The following CAB39L variants were observed in gnomAD, a reference collection of about 807,000 sequenced individuals.
CAB39L encodes the protein calcium-binding protein 39-like.
A neutral mutation model predicts 39.1 loss-of-function variants in CAB39L; 23 were observed. That is an observed-to-expected ratio of 0.59 (90% CI 0.42 to 0.83). The LOEUF is 0.83. CAB39L is among the 40% of genes least tolerant of loss of function. The pLI, the probability that CAB39L is intolerant of heterozygous loss-of-function variation, is 0.00. For synonymous variants in CAB39L, 126 were observed against 137.2 expected (o/e 0.92, Z 0.57); for missense variants, 366 against 391.9 (o/e 0.93, Z 0.56).
rs538755278 is a variant in CAB39L, at chr13:49,359,816, G to A, written c.293C>T (p.Thr98Ile). 1.4e-5 allele frequency: 23 copies of A among 1,606,596 alleles called. No homozygotes were observed. The highest frequency in any genetic ancestry group is 2.2e-5 in the East Asian group (1 of 44,820). ...LIDFEGKKDV[T>I]QIFNNILRRQ... ...TCTCAAGATGTTGTTAAATATCTGG[G>A]TCACATCTTTTTTTCCCTGTTAAAG... The change falls in exon 6 of 11, where the codon ACC (threonine) becomes ATC (isoleucine). Residue 98 changes from threonine (T) to isoleucine (I), a missense_variant. Physicochemically the swap from Thr to Ile is moderately conservative, Grantham distance 89 (BLOSUM62 -1). Coordinates refer to ENST00000409308, the MANE Select transcript of CAB39L (RefSeq NM_001079670.3).
At chr13:49,408,189 T>C (rs1027584838) in intron 3 of CAB39L, among the ~76,000 whole-genome samples, 3 of 152,100 alleles carry the variant, frequency 2.0e-5, no homozygotes, top group African/African-American at 7.2e-5. Flanking sequence ...AGAATAGGTT[T>C]GGCAACTGAA....
At chr13:49,362,396 T>C (rs1955660939) in intron 5 of CAB39L, among the ~76,000 whole-genome samples, 1 of 151,960 alleles carries the variant, frequency 6.6e-6, no homozygotes, top group Admixed American at 6.6e-5. Context: ...TTAATACAGA[T>C]TGAAATAATT....
intron 9 of CAB39L, among the ~76,000 whole-genome samples, chr13:49,338,627 T>A (rs1954915824): frequency 6.6e-6 from 1 of 151,954 alleles, no homozygotes; most frequent in African/African-American, 2.4e-5. Flanking sequence ...AATGTGCACA[T>A]GTACCCTAAA....
intron 5 of CAB39L, among the ~76,000 whole-genome samples, chr13:49,369,873 AC>A (rs1955870014): frequency 6.6e-6 from 1 of 151,842 alleles, no homozygotes; most frequent in South Asian, 2.1e-4. Context: ...GGCGTGAGCC[AC>A]CGTGCCCAGC....
At chr13:49,375,275 C>T (rs940701120) in intron 5 of CAB39L, among the ~76,000 whole-genome samples, 1 of 152,068 alleles carries the variant, frequency 6.6e-6, no homozygotes, top group African/African-American at 2.4e-5. Flanking sequence ...GGTTAAGTTA[C>T]TGACCATGAA....
intron 1 of CAB39L, among the ~76,000 whole-genome samples, chr13:49,436,516 T>C (rs933423054): frequency 1.3e-5 from 2 of 151,568 alleles, no homozygotes; most frequent in Non-Finnish European, 2.9e-5. Context: ...TCTTTTCTTA[T>C]GTACCTTGGA....
chr13:49,320,945 A>C (rs1252031162), intron 10 of CAB39L, among the ~76,000 whole-genome samples: 2 of 152,184 alleles, frequency 1.3e-5, no homozygotes, highest in Non-Finnish European at 2.9e-5. Context: ...CTGCACATCA[A>C]GGGAGGAAGA....
Position 49,339,696 on chromosome 13 carries a change from G to A in CAB39L, c.671C>T (p.Thr224Ile). 6 of 1,579,076 alleles carry A rather than the reference G, an allele frequency of 3.8e-6. No individual in the cohort carries two copies. Among genetic ancestry groups the A allele is most frequent in the Non-Finnish European group, 4.3e-6 (5 of 1,164,828 alleles). ...EKLLQSENYV[T>I]KRQSLKLLGE... ...TATTACCTTTAAAGACTGTCTCTTA[G>A]TAACATAATTCTCAGACTGAAGCAA... Residue 224 changes from threonine to isoleucine, a missense_variant, in exon 9 of 11, where the codon ACT becomes ATT. Transcript: ENST00000409308.
At chr13:49,333,329 T>C (rs936161409) in intron 9 of CAB39L, among the ~76,000 whole-genome samples, 2 of 152,158 alleles carry the variant, frequency 1.3e-5, no homozygotes, top group African/African-American at 2.4e-5. Flanking sequence ...TCTTTGCTCC[T>C]GGTTTCCTAC....
chr13:49,435,003 C>T (rs571285348), intron 1 of CAB39L, among the ~76,000 whole-genome samples: 1 of 152,298 alleles, frequency 6.6e-6, no homozygotes, highest in East Asian at 1.9e-4. Context: ...ATAGAAACAA[C>T]TTCCATTTAG....
chr13:49,403,500 C>T (rs1956816713), intron 3 of CAB39L, among the ~76,000 whole-genome samples: 1 of 151,754 alleles, frequency 6.6e-6, no homozygotes. Flanking sequence ...AGGAGAAAAT[C>T]GATCATTAGA....
intron 3 of CAB39L, among the ~76,000 whole-genome samples, chr13:49,395,322 G>A (rs1487305524): frequency 1.3e-5 from 2 of 148,974 alleles, no homozygotes; most frequent in East Asian, 2.0e-4. Context: ...TGCAACCTCC[G>A]CCCCCCGGGT....
chr13:49,420,851 GA>G (rs1056345725), intron 3 of CAB39L, among the ~76,000 whole-genome samples: 13 of 151,522 alleles, frequency 8.6e-5, no homozygotes, highest in Admixed American at 5.9e-4. Context: ...CTACAAAGCA[GA>G]AAAAAAATTA....
intron 10 of CAB39L, among the ~76,000 whole-genome samples, chr13:49,325,524 C>T (rs1954472459): frequency 6.6e-6 from 1 of 152,196 alleles, no homozygotes; most frequent in South Asian, 2.1e-4. Flanking sequence ...AGTGGTGGCT[C>T]ACGCCTGTAA....
intron 3 of CAB39L, among the ~76,000 whole-genome samples, chr13:49,418,438 G>C (rs528948586): frequency 1.3e-5 from 2 of 152,108 alleles, no homozygotes; most frequent in Non-Finnish European, 2.9e-5. Context: ...AAGATGAAAG[G>C]GTTCTAAAAT....
chr13:49,311,336 T>G (rs1953983336), intron 10 of CAB39L, among the ~76,000 whole-genome samples: 2 of 152,202 alleles, frequency 1.3e-5, no homozygotes, highest in Non-Finnish European at 2.9e-5. Flanking sequence ...CCCGGCCAGC[T>G]GCATAAAATT....
At chr13:49,427,616 G>A (rs1957263276) in intron 3 of CAB39L, among the ~76,000 whole-genome samples, 1 of 152,138 alleles carries the variant, frequency 6.6e-6, no homozygotes, top group African/African-American at 2.4e-5. Flanking sequence ...TTTAGCCCAG[G>A]AGGTCAAGTC....
chr13:49,442,787 C>CAAAAAAAAAAAAAAAAAAAAAA (rs71078844), intron 1 of CAB39L, among the ~76,000 whole-genome samples: 1 of 103,690 alleles, frequency 9.6e-6, no homozygotes, highest in African/African-American at 5.2e-5. Flanking sequence ...GACTCCATCT[C>CAAAAAAAAAAAAAAAAAAAAAA]AAAAAAAAAA....
chr13:49,376,226 G>A (rs1399822918), intron 5 of CAB39L, among the ~76,000 whole-genome samples: 1 of 152,120 alleles, frequency 6.6e-6, no homozygotes, highest in Non-Finnish European at 1.5e-5. Flanking sequence ...TACCTGATAC[G>A]AACAAAATTC....
Sources: allele counts gnomAD v4.1 joint callset (sites outside exome capture counted in the v4.1 genomes callset), GRCh38; gene constraint gnomAD v4.1.1; transcripts MANE v1.5; gene names NCBI Gene and HGNC (gene_info 2026-07-23, HGNC 2026-07-21).